EDN1: variants seen among roughly 807,000 people sequenced by gnomAD.
EDN1 encodes endothelin-1.
EDN1 carries 11 observed loss-of-function variants against 21.7 expected under a neutral mutation model. The observed-to-expected ratio is 0.51, with a 90% confidence interval of 0.32 to 0.84. EDN1 has a LOEUF of 0.84. EDN1 is among the 40% of genes least tolerant of loss of function. The probability of loss-of-function intolerance (pLI) is 0.03; values close to 1 mark genes in which losing one functional copy is unlikely to be tolerated. For missense variants in EDN1, 244 were observed against 262.3 expected, an observed-to-expected ratio of 0.93 and a Z score of 0.48; for synonymous variants, 85 against 90.6, an observed-to-expected ratio of 0.94 and a Z score of 0.35.
chr6:12,280,405 C>A, the EDN1 span, among the ~76,000 whole-genome samples: 1 of 152,114 alleles, frequency 6.6e-6, no homozygotes, highest in Non-Finnish European at 1.5e-5. Context: ...TAACTTTATA[C>A]CCCACAATAA....
chr6:12,258,761 A>G, the EDN1 span, among the ~76,000 whole-genome samples: 1 of 152,132 alleles, frequency 6.6e-6, no homozygotes, highest in East Asian at 1.9e-4. Context: ...AGAGAAAGGA[A>G]AGCCCACTGA....
At chr6:12,249,409 T>C in the EDN1 span, among the ~76,000 whole-genome samples, 2 of 152,002 alleles carry the variant, frequency 1.3e-5, no homozygotes, top group African/African-American at 4.8e-5. Context: ...GACATGAATA[T>C]GTGCTTAATA....
chr6:12,271,125 C>G, the EDN1 span, among the ~76,000 whole-genome samples: 1 of 151,704 alleles, frequency 6.6e-6, no homozygotes. Context: ...TTTTTAAACT[C>G]TATTTAGCCA....
chr6:12,235,601 GCT>G, the EDN1 span, among the ~76,000 whole-genome samples: 3 of 152,112 alleles, frequency 2.0e-5, no homozygotes, highest in Non-Finnish European at 4.4e-5. Flanking sequence ...TCCTTCCTGT[GCT>G]CTCACTCCGA....
the EDN1 span, among the ~76,000 whole-genome samples, chr6:12,236,768 C>T: frequency 6.9e-5 from 10 of 144,424 alleles, no homozygotes; most frequent in East Asian, 4.0e-4. Flanking sequence ...GCCAATATTT[C>T]TTTTTTTTTT....
chr6:12,263,300 T>C, the EDN1 span, among the ~76,000 whole-genome samples: 2 of 152,110 alleles, frequency 1.3e-5, no homozygotes, highest in African/African-American at 4.8e-5. Context: ...CAATTTTGGG[T>C]AAATATAGGG....
the EDN1 span, among the ~76,000 whole-genome samples, chr6:12,278,214 T>C: frequency 6.6e-6 from 1 of 152,204 alleles, no homozygotes; most frequent in African/African-American, 2.4e-5. Context: ...ATTCTCATAG[T>C]GAACCTTCAG....
chr6:12,284,416 G>T, the EDN1 span, among the ~76,000 whole-genome samples: 1 of 151,976 alleles, frequency 6.6e-6, no homozygotes, highest in Non-Finnish European at 1.5e-5. Flanking sequence ...AGAGGCTGAG[G>T]TGGGAGGATT....
At chr6:12,275,046 G>A in the EDN1 span, among the ~76,000 whole-genome samples, 2 of 119,450 alleles carry the variant, frequency 1.7e-5, no homozygotes, top group African/African-American at 6.4e-5. Context: ...CCCCTGATAT[G>A]AACTAGATAG....
chr6:12,265,046 A>T, the EDN1 span, among the ~76,000 whole-genome samples: 1,510 of 152,310 alleles, frequency 9.9e-3, 21 homozygotes, highest in African/African-American at 0.033. Context: ...ATTTAGCCTG[A>T]TGTTAAGTGC....
the EDN1 span, among the ~76,000 whole-genome samples, chr6:12,238,045 A>T: frequency 6.6e-6 from 1 of 151,874 alleles, no homozygotes; most frequent in East Asian, 1.9e-4. Flanking sequence ...TGTGGCAGGC[A>T]TCTGTCATCC....
chr6:12,241,166 C>CTTTTTTTTTTTTTTTT, the EDN1 span, among the ~76,000 whole-genome samples: 1 of 138,358 alleles, frequency 7.2e-6, no homozygotes, highest in Non-Finnish European at 1.5e-5. Context: ...TTCTTTCTTT[C>CTTTTTTTTTTTTTTTT]TTTTTTTTTT....
the EDN1 span, among the ~76,000 whole-genome samples, chr6:12,258,614 G>A: frequency 5.3e-5 from 8 of 152,084 alleles, no homozygotes; most frequent in African/African-American, 1.4e-4. Flanking sequence ...GAAAGTATTC[G>A]GAAAGCATCT....
At chr6:12,247,536 CTTTTTTTTTTTTTTT>C in the EDN1 span, among the ~76,000 whole-genome samples, 1 of 97,752 alleles carries the variant, frequency 1.0e-5, no homozygotes, top group East Asian at 2.9e-4. Flanking sequence ...TTCTTTCTTT[CTTTTTTTTTTTTTTT>C]TTTTTTGGAG....
chr6:12,232,283 C>T, the EDN1 span, among the ~76,000 whole-genome samples: 4 of 148,862 alleles, frequency 2.7e-5, no homozygotes, highest in African/African-American at 4.9e-5. Flanking sequence ...TATGGTAACA[C>T]GATCATAGTC....
At chr6:12,247,139 G>A in the EDN1 span, among the ~76,000 whole-genome samples, 1 of 152,182 alleles carries the variant, frequency 6.6e-6, no homozygotes, top group African/African-American at 2.4e-5. Context: ...TGTCATGTCG[G>A]CTGTGTAAAC....
At chr6:12,284,132 T>A in the EDN1 span, among the ~76,000 whole-genome samples, 1 of 152,184 alleles carries the variant, frequency 6.6e-6, no homozygotes, top group Admixed American at 6.5e-5. Flanking sequence ...TACCTAGAAT[T>A]CCTTTTGACA....
intron 2 of EDN1, 103 bp downstream of exon 2, chr6:12,292,612 T>C: frequency 7.4e-7 from 1 of 1,354,444 alleles, no homozygotes; most frequent in Non-Finnish European, 1.1e-6. Context: ...AGGTAGTCCT[T>C]CTAACACCAT....
the EDN1 span, among the ~76,000 whole-genome samples, chr6:12,283,543 C>T: frequency 6.6e-6 from 1 of 152,162 alleles, no homozygotes; most frequent in African/African-American, 2.4e-5. Flanking sequence ...ACAGTCCACA[C>T]CATGAATGGT....
Sources: allele counts gnomAD v4.1 joint callset (sites outside exome capture counted in the v4.1 genomes callset), GRCh38; gene constraint gnomAD v4.1.1; transcripts MANE v1.5; gene names NCBI Gene and HGNC (gene_info 2026-07-23, HGNC 2026-07-21).